Variants in ACSBG1 observed in about 807,000 individuals in gnomAD.
The protein encoded by ACSBG1 is long-chain-fatty-acid--CoA ligase ACSBG1.
In ACSBG1, 39 loss-of-function variants were observed where a neutral mutation model predicts 80.2. That is an observed-to-expected ratio of 0.49 (90% confidence interval 0.38 to 0.64). The LOEUF is 0.64. Among genes scored for constraint, ACSBG1 ranks in the 30% least tolerant of loss-of-function variants. The pLI, the probability that ACSBG1 is intolerant of heterozygous loss-of-function variation, is 0.00. For synonymous variants in ACSBG1, 392 were observed against 379.5 expected (o/e 1.03, Z -0.38); for missense variants, 828 against 966.4 (o/e 0.86, Z 1.90).
chr15:78,207,650 T>C (rs1270401037), intron 2 of ACSBG1: 1 of 273,668 alleles, frequency 3.7e-6, no homozygotes, highest in Non-Finnish European at 7.0e-6. Context: ...AAGGCATTGC[T>C]TATCTGGGCT....
In ACSBG1 at chr15:78,199,403, A is replaced by G. The variant is rs146763743; in HGVS notation, c.233-4677T>C. ...CCTGGCCATATTTTTCTATTACGCAAAAAACTACAGGCCAAGTGCAGTGGC... is the reference window on the plus strand; with the variant it reads ...CCTGGCCATATTTTTCTATTACGCAGAAAACTACAGGCCAAGTGCAGTGGC... On this transcript the variant is annotated intron_variant, in intron 2 of 13. Coordinates refer to ENST00000258873, the MANE Select transcript of ACSBG1 (RefSeq NM_015162.5). Among the ~76,000 whole-genome samples, 22 of 151,856 alleles carry G rather than the reference A, an allele frequency of 1.4e-4. No individual in the cohort carries two copies. The East Asian group carries it at 4.0e-3, about 28-fold the overall frequency.
At chr15:78,194,105 AG>A (rs2075087788) in intron 3 of ACSBG1, 85 bp from the exon 4 acceptor site, 1 of 1,356,294 alleles carries the variant, frequency 7.4e-7, no homozygotes, top group African/African-American at 1.4e-5. Context: ...CCCAGACTGC[AG>A]GGGACCTGCA....
At chr15:78,222,466 C>G (rs2075366638) in intron 1 of ACSBG1, among the ~76,000 whole-genome samples, 1 of 152,098 alleles carries the variant, frequency 6.6e-6, no homozygotes, top group Non-Finnish European at 1.5e-5. Context: ...GAGTTCAAGA[C>G]CAGCTGGGCA....
In ACSBG1 at chr15:78,211,366, C is replaced by T. The variant is rs74394286; in HGVS notation, c.132-3264G>A. On this transcript the variant is annotated intron_variant, in intron 1 of 13. Coordinates refer to ENST00000258873, the MANE Select transcript of ACSBG1 (RefSeq NM_015162.5). Reference sequence around the variant, plus strand: ...CAATACTCCAGAGGTTGGCGGAAGTCACCTAACATGATTAATGACAATAAT... The same window carrying T: ...CAATACTCCAGAGGTTGGCGGAAGTTACCTAACATGATTAATGACAATAAT... Among the ~76,000 whole-genome samples, 842 of 152,342 alleles carry T rather than the reference C, an allele frequency of 5.5e-3. 6 individuals are homozygous for T. The highest frequency in any genetic ancestry group is 8.9e-3 in the Non-Finnish European group (604 of 68,036).
intron 5 of ACSBG1, among the ~76,000 whole-genome samples, chr15:78,185,573 T>G (rs1225530679): frequency 6.6e-6 from 1 of 152,124 alleles, no homozygotes; most frequent in Non-Finnish European, 1.5e-5. Context: ...CCCAGAAAAT[T>G]TTTTTAATTG....
chr15:78,224,709 A>AGACT (rs77266314), intron 1 of ACSBG1, among the ~76,000 whole-genome samples: 7,896 of 152,116 alleles, frequency 0.052, 205 homozygotes, highest in Middle Eastern at 0.095. Flanking sequence ...CGACAGAGCG[A>AGACT]GACTCCGCCT....
rs1267153834 is a variant in ACSBG1, at chr15:78,172,191, A to G, written c.2090-662T>C. Among the ~76,000 whole-genome samples the G allele has an allele frequency of 1.3e-5, 2 of 152,258 alleles. No individual in the cohort carries two copies. The highest frequency in any genetic ancestry group is 2.9e-5 in the Non-Finnish European group (2 of 68,050). On this transcript the variant is annotated intron_variant, in intron 13 of 13. Coordinates refer to ENST00000258873, the MANE Select transcript of ACSBG1 (RefSeq NM_015162.5). This position sits in a 1 kb window ranked among gnomAD's most constrained non-coding sequence, Gnocchi z 4.1. ...ATCCCGTGAGACCCAAGCCAGAACC[A>G]CTCAGCTAAGCTGTTCCTGGATTCT...
intron 2 of ACSBG1, among the ~76,000 whole-genome samples, chr15:78,202,880 T>C (rs2075181371): frequency 6.6e-6 from 1 of 152,186 alleles, no homozygotes; most frequent in Admixed American, 6.5e-5. Flanking sequence ...AACGTGTCTA[T>C]TAGCAAAGCC....
intron 1 of ACSBG1, among the ~76,000 whole-genome samples, chr15:78,217,989 A>T (rs1010868172): frequency 5.3e-5 from 8 of 152,214 alleles, no homozygotes; most frequent in African/African-American, 1.9e-4. Flanking sequence ...CAGGAAGGGC[A>T]GTGCGATGCT....
chr15:78,179,560 G>A lies in ACSBG1; in HGVS notation c.1474C>T (p.Arg492Trp), dbSNP rs1340731088. The A allele has an allele frequency of 4.3e-6, 7 of 1,612,610 alleles. No individual in the cohort carries two copies. Among genetic ancestry groups the A allele is most frequent in the Non-Finnish European group, 4.2e-6 (5 of 1,178,724 alleles). ...AGCCTCGAGCCTCACCTGTACAGCC[G>A]GTAGTTGTAGGGACTGGACATGAAG... ...PHFMSSPYNY[R>W]LYSSGKLVPG... The change falls in exon 10 of 14, where the codon CGG becomes TGG. Residue 492 changes from arginine to tryptophan, a missense_variant. This residue lies in a region of ACSBG1 where 271 missense variants were observed against 375.9 expected (regional missense o/e 0.72). Coordinates refer to ENST00000258873, the MANE Select transcript of ACSBG1 (RefSeq NM_015162.5).
In ACSBG1 at chr15:78,173,709, T is replaced by C. The variant is rs772669794; in HGVS notation, c.1973A>G (p.Tyr658Cys). ...EIIEKKDEAV[Y>C]QAIEEGIRRV... Reference sequence around the variant, plus strand: ...CCGGATCCCCTCTTCGATGGCCTGGTACACGGCCTCATCCTTCTTCTCTAT... The same window carrying C: ...CCGGATCCCCTCTTCGATGGCCTGGCACACGGCCTCATCCTTCTTCTCTAT... Residue 658 changes from tyrosine (Y) to cysteine (C), a missense_variant, in exon 13 of 14, where the codon TAC becomes TGC. This residue lies in a region of ACSBG1 where 201 missense variants were observed against 227.0 expected (regional missense o/e 0.89). Coordinates refer to ENST00000258873, the MANE Select transcript of ACSBG1 (RefSeq NM_015162.5). The C allele has an allele frequency of 2.5e-6, 4 of 1,614,112 alleles. No homozygotes were observed. The African/African-American group carries it at 5.3e-5, about 22-fold the overall frequency.
Position 78,172,251 on chromosome 15 carries a change from G to C in ACSBG1, c.2090-722C>G, listed in dbSNP as rs148736611. Among the ~76,000 whole-genome samples the C allele has an allele frequency of 5.3e-5, 8 of 152,366 alleles. No individual in the cohort carries two copies. Among genetic ancestry groups the C allele is most frequent in the Admixed American group, 6.5e-5 (1 of 15,304 alleles). The stretch of plus-strand genomic sequence containing the variant: ...GAAATGTGGATAATAAATGTTTACT[G>C]CTTTAGGCTGCTACATTTTTGGGGT... On this transcript the variant is annotated intron_variant, in intron 13 of 13. Coordinates refer to ENST00000258873, the MANE Select transcript of ACSBG1 (RefSeq NM_015162.5). The surrounding 1 kb of genome is among the most constrained non-coding windows in gnomAD (Gnocchi z 4.1).
intron 2 of ACSBG1, among the ~76,000 whole-genome samples, chr15:78,207,116 C>T (rs1044338703): frequency 1.3e-5 from 2 of 152,204 alleles, no homozygotes; most frequent in Non-Finnish European, 2.9e-5. Flanking sequence ...GGAGGATGAA[C>T]GTGGGAGGCT....
intron 13 of ACSBG1, 139 bp downstream of exon 13, chr15:78,173,453 AG>A: frequency 8.6e-7 from 1 of 1,165,148 alleles, no homozygotes; most frequent in East Asian, 2.5e-5. Flanking sequence ...GTCCTCTAAC[AG>A]GAAGTAGATG....
At chr15:78,188,080 T>C (rs1208815642) in intron 5 of ACSBG1, among the ~76,000 whole-genome samples, 1 of 152,148 alleles carries the variant, frequency 6.6e-6, no homozygotes, top group Non-Finnish European at 1.5e-5. Flanking sequence ...TCACAATTGC[T>C]TCAAAGAGAA....
At chr15:78,217,539 C>G (rs1035157586) in intron 1 of ACSBG1, among the ~76,000 whole-genome samples, 1 of 151,610 alleles carries the variant, frequency 6.6e-6, no homozygotes, top group Non-Finnish European at 1.5e-5. Flanking sequence ...CTGCATCCAC[C>G]ATTCATCATC....
In ACSBG1 at chr15:78,173,819, G is replaced by C; in HGVS notation, c.1863C>G (p.Thr621=). 6.2e-7 allele frequency: 1 copy of C among 1,614,020 alleles called. No individual in the cohort carries two copies. The highest frequency in any genetic ancestry group is 8.5e-7 in the Non-Finnish European group (1 of 1,180,008). The change falls in exon 13 of 14, where the codon ACC becomes ACG. Residue 621 remains threonine (T), a synonymous_variant. Transcript: ENST00000258873. ...CAGTCAGATTATCAGTCTGGTCAGA[G>C]GTGTCTGGGTCCAGAGTGCACTGAA... ...LTLKCTLDPD[T]SDQTDNLTEQ...
At chr15:78,216,663 C>T (rs964504289) in intron 1 of ACSBG1, among the ~76,000 whole-genome samples, 2 of 152,142 alleles carry the variant, frequency 1.3e-5, no homozygotes, top group Admixed American at 6.5e-5. Flanking sequence ...CTGACTGAAG[C>T]CCCCAGCCCA....
At chr15:78,183,594 G>T (rs1051539333) in intron 5 of ACSBG1, among the ~76,000 whole-genome samples, 2 of 152,134 alleles carry the variant, frequency 1.3e-5, no homozygotes, top group Admixed American at 6.5e-5. Context: ...AAACTCGAAG[G>T]TTAAACCAAA....
Sources: allele counts gnomAD v4.1 joint callset (sites outside exome capture counted in the v4.1 genomes callset), GRCh38; gene constraint gnomAD v4.1.1; regional missense constraint gnomAD v4.1.1; non-coding constraint Gnocchi (gnomAD v3.1); transcripts MANE v1.5; gene names NCBI Gene and HGNC (gene_info 2026-07-23, HGNC 2026-07-21).